MAX: variants seen among roughly 807,000 people sequenced by gnomAD.
MAX encodes protein max.
MAX carries 3 observed loss-of-function variants against 22.3 expected under a neutral mutation model. The observed-to-expected ratio is 0.13, with a 90% CI of 0.06 to 0.35. MAX has a LOEUF of 0.35. Ranked by LOEUF, MAX falls within the 10% of genes least tolerant of loss-of-function variation. The pLI is 1.00. For missense variants in MAX, 119 were observed against 209.4 expected, an observed-to-expected ratio of 0.57 and a Z score of 2.66; for synonymous variants, 72 against 77.7, an observed-to-expected ratio of 0.93 and a Z score of 0.39.
intron 3 of MAX, chr14:65,022,124 G>A: frequency 2.2e-6 from 1 of 454,434 alleles, no homozygotes; most frequent in Non-Finnish European, 4.4e-6. Flanking sequence ...ACCTAGGGAA[G>A]GAGATTTCCT....
chr14:65,055,745 G>A (rs905410264), intron 3 of MAX, among the ~76,000 whole-genome samples: 17 of 152,144 alleles, frequency 1.1e-4, no homozygotes, highest in African/African-American at 4.1e-4. Context: ...TCAAACTCCT[G>A]GCCTCAAGTG....
chr14:65,044,213 G>A lies in MAX; in HGVS notation c.172-37929C>T. On this transcript the variant is annotated intron_variant, in intron 3 of 3. Transcript: ENST00000341653. The surrounding 1 kb of genome is among the most constrained non-coding windows in gnomAD (Gnocchi z 5.5). ...AGAGTGCCAAGAAGCCACAAGATGGGAAACCCTCCATCCCACAGATTGACT... is the reference window on the plus strand; with the variant it reads ...AGAGTGCCAAGAAGCCACAAGATGGAAAACCCTCCATCCCACAGATTGACT... The A allele has an allele frequency of 6.3e-7, 1 of 1,586,990 alleles. No homozygotes were observed. The highest frequency in any genetic ancestry group is 8.6e-7 in the Non-Finnish European group (1 of 1,169,358).
intron 3 of MAX, among the ~76,000 whole-genome samples, chr14:65,056,961 G>A (rs923471149): frequency 4.6e-5 from 7 of 152,186 alleles, no homozygotes; most frequent in Non-Finnish European, 8.8e-5. Flanking sequence ...CAAAGGGGAA[G>A]CCAACCCATG....
At chr14:65,024,962 C>T (rs1270797062) in intron 3 of MAX, among the ~76,000 whole-genome samples, 1 of 152,058 alleles carries the variant, frequency 6.6e-6, no homozygotes, top group Non-Finnish European at 1.5e-5. Context: ...GTAGAAGTAT[C>T]ATTAACATTT....
intron 1 of MAX, among the ~76,000 whole-genome samples, chr14:65,102,077 G>T (rs1355790934): frequency 6.6e-6 from 1 of 152,172 alleles, no homozygotes; most frequent in African/African-American, 2.4e-5. Context: ...GGAGGTGGGG[G>T]TCCCAGAAGC....
At chr14:65,068,607 TTA>T (rs1311543908) in intron 3 of MAX, among the ~76,000 whole-genome samples, 1 of 152,234 alleles carries the variant, frequency 6.6e-6, no homozygotes, top group African/African-American at 2.4e-5. Flanking sequence ...GCTACATTAT[TTA>T]TTTTGTTGCT....
intron 3 of MAX, among the ~76,000 whole-genome samples, chr14:65,064,323 C>T (rs1043064597): frequency 5.9e-5 from 9 of 152,180 alleles, no homozygotes; most frequent in East Asian, 1.9e-4. Flanking sequence ...ATTTAAGACA[C>T]CATTGCAACT....
In MAX at chr14:65,007,598, G is replaced by A. The variant is rs1274070595; in HGVS notation, c.172-1314C>T. 6.6e-6 allele frequency among the ~76,000 whole-genome samples: 1 copy of A among 152,238 alleles called. No homozygotes were observed. The highest frequency in any genetic ancestry group is 1.5e-5 in the Non-Finnish European group (1 of 68,044). On this transcript the variant is annotated intron_variant, in intron 3 of 3. Coordinates refer to the MAX transcript ENST00000341653. The surrounding 1 kb of genome is among the most constrained non-coding windows in gnomAD (Gnocchi z 4.9). ...CCCAGAAATGATTTTCTTCTCTAAG[G>A]TTGGGACTGTCTACCTGGAGTGAGG...
chr14:65,040,898 C>T, intron 3 of MAX: 1 of 1,613,922 alleles, frequency 6.2e-7, no homozygotes, highest in Non-Finnish European at 8.5e-7. Context: ...GGGAACGTTC[C>T]TTGAACTTGA....
chr14:65,089,877 T>C (rs1032763704), intron 3 of MAX: 2 of 143,914 alleles, frequency 1.4e-5, no homozygotes, highest in African/African-American at 5.1e-5. Flanking sequence ...TCTAATTCCA[T>C]CCTATTGTTC....
Position 65,078,383 on chromosome 14 carries a change from T to C in MAX, c.172-347A>G, listed in dbSNP as rs1198842284. Among the ~76,000 whole-genome samples, 1 of 151,962 alleles carries C rather than the reference T, an allele frequency of 6.6e-6. No homozygotes were observed. Among genetic ancestry groups the C allele is most frequent in the Non-Finnish European group, 1.5e-5 (1 of 67,986 alleles). ...CGCCCATCTAATTTTTTTGTATTTT[T>C]AGTAGAAATGCGGTTTCACCATGTT... On this transcript the variant is annotated intron_variant, in intron 3 of 4. Transcript: ENST00000358664. This position sits in a 1 kb window ranked among gnomAD's most constrained non-coding sequence, Gnocchi z 6.4.
intron 2 of MAX, among the ~76,000 whole-genome samples, chr14:65,098,164 G>A (rs2063721955): frequency 6.6e-6 from 1 of 152,114 alleles, no homozygotes; most frequent in Admixed American, 6.5e-5. Context: ...CCTAACACAG[G>A]CACATTTAGG....
Position 65,084,269 on chromosome 14 carries a change from G to T in MAX, c.172-6233C>A. On this transcript the variant is annotated intron_variant, in intron 3 of 4. Transcript: ENST00000358664. The surrounding 1 kb of genome is among the most constrained non-coding windows in gnomAD (Gnocchi z 4.3). ...ATCAAACTTTGACGATGAAGGACAG[G>T]AGTACACAATTTCCAAAAGAGGAAA... The T allele has an allele frequency of 6.2e-7, 1 of 1,611,620 alleles. No individual in the cohort carries two copies. Among genetic ancestry groups the T allele is most frequent in the South Asian group, 1.1e-5 (1 of 91,004 alleles).
intron 3 of MAX, chr14:65,061,586 C>A: frequency 2.8e-6 from 1 of 357,938 alleles, no homozygotes; most frequent in Non-Finnish European, 5.2e-6. Context: ...GAAGCAGTCC[C>A]TCCTCACCAG....
chr14:65,045,413 TC>T (rs1229362480), intron 3 of MAX, among the ~76,000 whole-genome samples: 6 of 85,314 alleles, frequency 7.0e-5, no homozygotes, highest in Non-Finnish European at 1.5e-4. Context: ...CCCCCCGTCT[TC>T]CCCCCTCCCC....
At position 65,077,719 on chromosome 14, in the gene MAX, G is replaced by C; in HGVS notation, c.295+194C>G. ...GATGTCCAACTTCCTAGCTTCCACT[G>C]TCTCCTCACTGGCGCCTCAGGTCCT... On this transcript the variant is annotated intron_variant, in intron 4 of 4. Coordinates refer to ENST00000358664, the MANE Select transcript of MAX (RefSeq NM_002382.5). This position sits in a 1 kb window ranked among gnomAD's most constrained non-coding sequence, Gnocchi z 6.3. 6.3e-7 allele frequency: 1 copy of C among 1,588,348 alleles called. No individual in the cohort carries two copies. The highest frequency in any genetic ancestry group is 1.9e-4 in the Middle Eastern group (1 of 5,208).
At chr14:65,099,894 A>G (rs2063783290) in intron 2 of MAX, among the ~76,000 whole-genome samples, 1 of 152,182 alleles carries the variant, frequency 6.6e-6, no homozygotes, top group South Asian at 2.1e-4. Flanking sequence ...ACATCCCCGG[A>G]TTTTATGGAA....
At chr14:65,086,580 G>T (rs901871729) in intron 3 of MAX, among the ~76,000 whole-genome samples, 2 of 152,216 alleles carry the variant, frequency 1.3e-5, no homozygotes, top group Non-Finnish European at 2.9e-5. Context: ...CTAGAGATAA[G>T]TGGAACTTTG....
chr14:65,092,438 T>C (rs1292029181), intron 3 of MAX, among the ~76,000 whole-genome samples: 1 of 152,228 alleles, frequency 6.6e-6, no homozygotes, highest in East Asian at 1.9e-4. Flanking sequence ...GCCTAAGAGA[T>C]AATCTTTGGC....
Sources: allele counts gnomAD v4.1 joint callset (sites outside exome capture counted in the v4.1 genomes callset), GRCh38; gene constraint gnomAD v4.1.1; non-coding constraint Gnocchi (gnomAD v3.1); transcripts MANE v1.5; gene names NCBI Gene and HGNC (gene_info 2026-07-23, HGNC 2026-07-21).